The following UNC5D variants were observed in gnomAD, a reference collection of about 807,000 sequenced individuals.
The protein encoded by UNC5D is unc-5 netrin receptor D.
In UNC5D, 39 loss-of-function variants were observed where a neutral mutation model predicts 105.4. That is an observed-to-expected ratio of 0.37 (90% CI 0.29 to 0.48). The LOEUF is 0.48. UNC5D is among the 20% of genes least tolerant of loss of function. The pLI, the probability that UNC5D is intolerant of heterozygous loss-of-function variation, is 0.98. For missense variants in UNC5D, 991 were observed against 1,202.4 expected (o/e 0.82, Z 2.60); for synonymous variants, 452 against 450.4 (o/e 1.00, Z -0.04).
intron 4 of UNC5D, among the ~76,000 whole-genome samples, chr8:35,610,830 T>G (rs2130978280): frequency 6.6e-6 from 1 of 152,076 alleles, no homozygotes; most frequent in Middle Eastern, 3.4e-3. Flanking sequence ...GGTATGGAAA[T>G]GATAGAAATA....
chr8:35,692,786 C>T (rs763000672), intron 7 of UNC5D, among the ~76,000 whole-genome samples: 1 of 152,208 alleles, frequency 6.6e-6, no homozygotes, highest in Non-Finnish European at 1.5e-5. Flanking sequence ...AAGCATCCTA[C>T]TGCTCGCTAA....
intron 7 of UNC5D, among the ~76,000 whole-genome samples, chr8:35,693,347 C>G (rs1450367988): frequency 1.3e-5 from 2 of 152,184 alleles, no homozygotes; most frequent in East Asian, 1.9e-4. Context: ...CTTAGTTGCC[C>G]ATCCACTACT....
chr8:35,440,047 C>CA (rs1807297875), intron 1 of UNC5D, among the ~76,000 whole-genome samples: 1 of 151,948 alleles, frequency 6.6e-6, no homozygotes, highest in Non-Finnish European at 1.5e-5. Flanking sequence ...CCCCATAACC[C>CA]ACCTTCTAAT....
At chr8:35,403,407 G>A (rs187390933) in intron 1 of UNC5D, among the ~76,000 whole-genome samples, 3 of 152,314 alleles carry the variant, frequency 2.0e-5, no homozygotes, top group East Asian at 1.9e-4. Flanking sequence ...CCATTGTGAT[G>A]CATAGACTGT....
intron 1 of UNC5D, among the ~76,000 whole-genome samples, chr8:35,415,131 G>A (rs1180399100): frequency 6.6e-6 from 1 of 151,992 alleles, no homozygotes; most frequent in South Asian, 2.1e-4. Flanking sequence ...AGAGTATTTT[G>A]TCTCTCCCAA....
At chr8:35,277,798 C>T (rs1263046942) in intron 1 of UNC5D, among the ~76,000 whole-genome samples, 1 of 152,180 alleles carries the variant, frequency 6.6e-6, no homozygotes, top group African/African-American at 2.4e-5. Context: ...AAGATGGTCA[C>T]TTTGCTTCTT....
In UNC5D at chr8:35,342,115, G is replaced by A. The variant is rs528423437; in HGVS notation, c.103+106228G>A. Among the ~76,000 whole-genome samples the A allele has an allele frequency of 2.0e-5, 3 of 152,114 alleles. No individual in the cohort carries two copies. In the South Asian group the frequency reaches 6.2e-4, roughly 32 times the overall value. ...CCTGGTTATTTGCTATCTGAGCAAA[G>A]CCCTTTGTAGAATTCGTAGGGCCCA... On this transcript the variant is annotated intron_variant, in intron 1 of 16. Transcript: ENST00000404895.
At chr8:35,608,875 T>A (rs1291469601) in intron 4 of UNC5D, among the ~76,000 whole-genome samples, 2 of 152,184 alleles carry the variant, frequency 1.3e-5, no homozygotes, top group Non-Finnish European at 2.9e-5. Context: ...GCAATAAGTA[T>A]GTGAGTACAT....
At chr8:35,572,033 T>C (rs545785231) in intron 3 of UNC5D, among the ~76,000 whole-genome samples, 1 of 152,172 alleles carries the variant, frequency 6.6e-6, no homozygotes, top group Admixed American at 6.5e-5. Flanking sequence ...ACGCCTGTAA[T>C]CCCAACACTT....
intron 4 of UNC5D, among the ~76,000 whole-genome samples, chr8:35,650,530 C>T (rs1823340360): frequency 2.0e-5 from 3 of 152,148 alleles, no homozygotes; most frequent in Admixed American, 1.3e-4. Flanking sequence ...TGCAATGGTG[C>T]GATCTCGGCT....
At chr8:35,295,708 C>A (rs1435918733) in intron 1 of UNC5D, among the ~76,000 whole-genome samples, 3 of 152,098 alleles carry the variant, frequency 2.0e-5, no homozygotes, top group Admixed American at 6.6e-5. Context: ...AAGATCTACT[C>A]TTTTATACAT....
intron 1 of UNC5D, among the ~76,000 whole-genome samples, chr8:35,364,220 T>C (rs1231127809): frequency 1.3e-5 from 2 of 151,502 alleles, no homozygotes; most frequent in African/African-American, 4.9e-5. Context: ...TCTATATTTG[T>C]CACTTGGTAC....
At chr8:35,625,503 A>G (rs1222957992) in intron 4 of UNC5D, among the ~76,000 whole-genome samples, 2 of 152,246 alleles carry the variant, frequency 1.3e-5, no homozygotes, top group Admixed American at 1.3e-4. Flanking sequence ...CCGTTGCTGC[A>G]TATTTTAGAT....
chr8:35,722,380 A>AAAAC lies in UNC5D; in HGVS notation c.1290_1293dup (p.Val432AsnfsTer6). ...AGGTGGCTTCCAGACCTTCAACTTC[A>AAAAC]AAACAGTCCGTCAAGGTCAGCGGCA... On this transcript the variant is annotated frameshift_variant, in exon 9 of 17. Coordinates refer to ENST00000404895, the MANE Select transcript of UNC5D (RefSeq NM_080872.4). LOFTEE classifies it high-confidence loss of function. 1 of 1,613,902 alleles carries AAAAC rather than the reference A, an allele frequency of 6.2e-7. No individual in the cohort carries two copies. The highest frequency in any genetic ancestry group is 8.5e-7 in the Non-Finnish European group (1 of 1,179,954).
At chr8:35,648,494 C>G (rs142303608) in intron 4 of UNC5D, among the ~76,000 whole-genome samples, 1 of 151,954 alleles carries the variant, frequency 6.6e-6, no homozygotes, top group East Asian at 1.9e-4. Flanking sequence ...GCCTGGCCAA[C>G]ATGATAAAAC....
At chr8:35,524,649 AAAAAAAGAAAAAAG>A in intron 1 of UNC5D, among the ~76,000 whole-genome samples, 1 of 147,152 alleles carries the variant, frequency 6.8e-6, no homozygotes, top group African/African-American at 2.6e-5. Flanking sequence ...GCAAAAAAAA[AAAAAAAGAAAAAAG>A]AAAAAAGAAA....
chr8:35,486,948 T>C (rs1810860614), intron 1 of UNC5D, among the ~76,000 whole-genome samples: 1 of 152,110 alleles, frequency 6.6e-6, no homozygotes, highest in South Asian at 2.1e-4. Context: ...ATTCTCAGTT[T>C]TAAGGCTCCC....
chr8:35,307,515 A>G (rs1298152494), intron 1 of UNC5D, among the ~76,000 whole-genome samples: 1 of 152,136 alleles, frequency 6.6e-6, no homozygotes, highest in African/African-American at 2.4e-5. Flanking sequence ...CAGTGAGAAG[A>G]CCTAAAAGTT....
chr8:35,709,336 G>T (rs1827793727), intron 8 of UNC5D, among the ~76,000 whole-genome samples: 1 of 152,166 alleles, frequency 6.6e-6, no homozygotes, highest in Non-Finnish European at 1.5e-5. Flanking sequence ...AGGGTGGGGG[G>T]CTCTGACAGG....
Sources: allele counts gnomAD v4.1 joint callset (sites outside exome capture counted in the v4.1 genomes callset), GRCh38; gene constraint gnomAD v4.1.1; transcripts MANE v1.5; gene names NCBI Gene and HGNC (gene_info 2026-07-23, HGNC 2026-07-21).